The following SOX5 variants were observed in gnomAD, a reference collection of about 807,000 sequenced individuals.
The protein encoded by SOX5 is SRY-box transcription factor 5, also known as transcription factor SOX-5.
SOX5 carries 9 observed loss-of-function variants against 92.0 expected under a neutral mutation model. That is an observed-to-expected ratio of 0.10 (90% CI 0.06 to 0.17). The LOEUF (loss-of-function observed/expected upper bound fraction) is 0.17, where lower values mean the gene tolerates loss of function less well. Ranked by LOEUF, SOX5 falls within the 10% of genes least tolerant of loss-of-function variation. The pLI is 1.00. For synonymous variants in SOX5, 344 were observed against 336.3 expected, an observed-to-expected ratio of 1.02 and a Z score of -0.25; for missense variants, 642 against 944.5, an observed-to-expected ratio of 0.68 and a Z score of 4.20.
At chr12:24,113,531 C>CT (rs1188061459) in intron 4 of SOX5, among the ~76,000 whole-genome samples, 1 of 152,032 alleles carries the variant, frequency 6.6e-6, no homozygotes, top group African/African-American at 2.4e-5. Flanking sequence ...AATTATTATG[C>CT]TGTGATACCC....
rs116136594 is a variant in SOX5 at position 24,325,155 on chromosome 12, T to C, written c.-174+43408A>G. Among the ~76,000 whole-genome samples, 1,221 of 146,294 alleles carry C rather than the reference T, an allele frequency of 8.3e-3. 22 individuals carry two copies. The highest frequency in any genetic ancestry group is 0.028 in the African/African-American group (1,139 of 39,970). Reference sequence around the variant, plus strand: ...TAAAAAATTATTTGTAAAAATAAGTTAAAAAAAAAACCCTAAAAAAGAAAG... The same window carrying C: ...TAAAAAATTATTTGTAAAAATAAGTCAAAAAAAAAACCCTAAAAAAGAAAG... On this transcript the variant is annotated intron_variant, in intron 2 of 4. Transcript: ENST00000446891.
intron 1 of SOX5, among the ~76,000 whole-genome samples, chr12:24,427,954 G>A (rs1435875798): frequency 1.3e-5 from 2 of 152,160 alleles, no homozygotes; most frequent in African/African-American, 2.4e-5. Flanking sequence ...CAGGGCTTTT[G>A]TTGCTGACTG....
chr12:24,173,509 C>T (rs1006850524), intron 4 of SOX5, among the ~76,000 whole-genome samples: 5 of 152,312 alleles, frequency 3.3e-5, no homozygotes, highest in Admixed American at 6.5e-5. Flanking sequence ...CTTTTCTGCT[C>T]ATATTAGTTA....
At chr12:23,650,830 A>G (rs1389232650) in intron 7 of SOX5, among the ~76,000 whole-genome samples, 1 of 152,114 alleles carries the variant, frequency 6.6e-6, no homozygotes, top group Non-Finnish European at 1.5e-5. Flanking sequence ...TTTAAGCAGG[A>G]AAATAATATT....
intron 4 of SOX5, among the ~76,000 whole-genome samples, chr12:23,746,923 T>G (rs1286270152): frequency 1.3e-5 from 2 of 152,110 alleles, no homozygotes; most frequent in African/African-American, 2.4e-5. Flanking sequence ...TTTGATGATT[T>G]TATAAAGGGG....
chr12:24,344,477 C>A (rs192423122), intron 2 of SOX5, among the ~76,000 whole-genome samples: 2 of 152,154 alleles, frequency 1.3e-5, no homozygotes, highest in Admixed American at 6.5e-5. Context: ...TCCAAGCTTC[C>A]ACACTGGCGA....
intron 1 of SOX5, among the ~76,000 whole-genome samples, chr12:24,394,213 T>C (rs1277207619): frequency 6.6e-6 from 1 of 152,000 alleles, no homozygotes; most frequent in African/African-American, 2.4e-5. Context: ...AGCAGGGCCA[T>C]CCCATGAGAA....
chr12:24,029,263 A>G (rs533224206), intron 4 of SOX5, among the ~76,000 whole-genome samples: 30 of 151,982 alleles, frequency 2.0e-4, no homozygotes, highest in African/African-American at 7.2e-4. Flanking sequence ...AACTTCTCCA[A>G]CATTTTATTT....
At chr12:23,783,894 A>T (rs1268740138) in intron 3 of SOX5, among the ~76,000 whole-genome samples, 1 of 152,188 alleles carries the variant, frequency 6.6e-6, no homozygotes, top group East Asian at 1.9e-4. Flanking sequence ...GGAATCTGGC[A>T]ATAAACAAGT....
At chr12:24,440,363 TAA>T (rs1478665485) in intron 1 of SOX5, among the ~76,000 whole-genome samples, 1 of 152,166 alleles carries the variant, frequency 6.6e-6, no homozygotes, top group African/African-American at 2.4e-5. Flanking sequence ...GGAGCGGTCA[TAA>T]TTGACTCCCT....
chr12:24,409,492 T>C (rs1035656944), intron 1 of SOX5, among the ~76,000 whole-genome samples: 3 of 152,200 alleles, frequency 2.0e-5, no homozygotes, highest in Admixed American at 6.5e-5. Flanking sequence ...GAGATTATTA[T>C]GAATAAAGTC....
intron 4 of SOX5, among the ~76,000 whole-genome samples, chr12:24,192,015 T>C (rs1956575357): frequency 6.6e-6 from 1 of 152,210 alleles, no homozygotes. Flanking sequence ...AAATTATTAG[T>C]GATAAAAGTA....
chr12:23,995,608 G>A (rs531601963), intron 4 of SOX5, among the ~76,000 whole-genome samples: 138 of 152,272 alleles, frequency 9.1e-4, no homozygotes, highest in African/African-American at 3.1e-3. Context: ...TAAGGAGGGA[G>A]AATTGCTTGA....
intron 12 of SOX5, among the ~76,000 whole-genome samples, chr12:23,545,343 T>C (rs902555773): frequency 6.6e-6 from 1 of 152,212 alleles, no homozygotes; most frequent in African/African-American, 2.4e-5. Context: ...GGATGCCACC[T>C]GACAGTAGAG....
intron 4 of SOX5, among the ~76,000 whole-genome samples, chr12:24,065,645 C>CAAAAAAAA (rs71445983): frequency 3.7e-5 from 3 of 81,668 alleles, no homozygotes; most frequent in African/African-American, 5.5e-5. Context: ...GACTCCATCT[C>CAAAAAAAA]AAAAAAAAAA....
At chr12:24,275,100 G>A (rs776912047) in intron 3 of SOX5, among the ~76,000 whole-genome samples, 1 of 152,078 alleles carries the variant, frequency 6.6e-6, no homozygotes, top group Non-Finnish European at 1.5e-5. Flanking sequence ...CTTGAACAGA[G>A]ATATATATAG....
chr12:24,042,268 T>G (rs1268187107), intron 4 of SOX5, among the ~76,000 whole-genome samples: 1 of 152,094 alleles, frequency 6.6e-6, no homozygotes, highest in East Asian at 1.9e-4. Flanking sequence ...AAATACGCAT[T>G]AACTTTAGCA....
intron 11 of SOX5, among the ~76,000 whole-genome samples, chr12:23,555,106 C>T (rs566042158): frequency 7.8e-4 from 119 of 152,238 alleles, no homozygotes; most frequent in Middle Eastern, 3.4e-3. Flanking sequence ...AAATTTACAA[C>T]CCCATAACCT....
At chr12:23,778,104 G>T (rs371726503) in intron 3 of SOX5, among the ~76,000 whole-genome samples, 1 of 152,164 alleles carries the variant, frequency 6.6e-6, no homozygotes, top group East Asian at 1.9e-4. Context: ...ACTTCCTGAG[G>T]TATTTCCAAA....
Sources: allele counts gnomAD v4.1 joint callset (sites outside exome capture counted in the v4.1 genomes callset), GRCh38; gene constraint gnomAD v4.1.1; transcripts MANE v1.5; gene names NCBI Gene and HGNC (gene_info 2026-07-23, HGNC 2026-07-21).